Variants in ZBTB20 observed in about 807,000 individuals in gnomAD.
ZBTB20 encodes zinc finger and BTB domain-containing protein 20.
A neutral mutation model predicts 56.9 loss-of-function variants in ZBTB20; 9 were observed. That is an observed-to-expected ratio of 0.16 (90% CI 0.10 to 0.28). The LOEUF is 0.28. Ranked by LOEUF, ZBTB20 falls within the 10% of genes least tolerant of loss-of-function variation. The pLI, the probability that ZBTB20 is intolerant of heterozygous loss-of-function variation, is 1.00. For missense variants in ZBTB20, 655 were observed against 1,003.0 expected, an observed-to-expected ratio of 0.65 and a Z score of 4.69; for synonymous variants, 417 against 420.7, an observed-to-expected ratio of 0.99 and a Z score of 0.11.
chr3:114,683,927 G>C (rs1023825915), intron 6 of ZBTB20, among the ~76,000 whole-genome samples: 1 of 152,080 alleles, frequency 6.6e-6, no homozygotes, highest in Admixed American at 6.5e-5. Context: ...GACTTGGGGT[G>C]GGGGGCAGTG....
chr3:114,374,542 G>A (rs1335581452), intron 10 of ZBTB20, among the ~76,000 whole-genome samples: 1 of 152,134 alleles, frequency 6.6e-6, no homozygotes, highest in East Asian at 1.9e-4. Context: ...TCTTTCAGAG[G>A]ATGCTGTTTT....
At chr3:114,478,993 C>G (rs1036432030) in intron 7 of ZBTB20, among the ~76,000 whole-genome samples, 1 of 151,502 alleles carries the variant, frequency 6.6e-6, no homozygotes, top group African/African-American at 2.4e-5. Flanking sequence ...CTAGCAAGCT[C>G]ACAGTACTGA....
chr3:114,341,170 T>C (rs943627987), intron 11 of ZBTB20, among the ~76,000 whole-genome samples: 1 of 152,236 alleles, frequency 6.6e-6, no homozygotes, highest in Non-Finnish European at 1.5e-5. Flanking sequence ...TAATTTTACT[T>C]TTAGATTAAA....
Position 114,447,406 on chromosome 3 carries a change from T to C in ZBTB20, c.-255+52946A>G, listed in dbSNP as rs79202901. Among the ~76,000 whole-genome samples the C allele has an allele frequency of 3.5e-3, 531 of 152,354 alleles. 1 individual carries two copies. The highest frequency in any genetic ancestry group is 6.4e-3 in the Admixed American group (98 of 15,294). On this transcript the variant is annotated intron_variant, in intron 7 of 11. Transcript: ENST00000675478. ...ATCCTGCATGTGCAATATATTTTTC[T>C]ACATTTACAAATTAGCTAATGAATA...
At chr3:114,841,271 G>C (rs1203709800) in intron 4 of ZBTB20, among the ~76,000 whole-genome samples, 2 of 152,164 alleles carry the variant, frequency 1.3e-5, no homozygotes, top group African/African-American at 4.8e-5. Flanking sequence ...CAGTGGAGGT[G>C]AGCACATGGG....
At chr3:114,490,993 C>T (rs2042691704) in intron 7 of ZBTB20, among the ~76,000 whole-genome samples, 1 of 152,176 alleles carries the variant, frequency 6.6e-6, no homozygotes. Context: ...GACCAGATAT[C>T]AGCCTACAAA....
chr3:114,871,252 T>C (rs2107539249), intron 4 of ZBTB20, among the ~76,000 whole-genome samples: 1 of 152,214 alleles, frequency 6.6e-6, no homozygotes, highest in East Asian at 1.9e-4. Context: ...AGGAGTTAAC[T>C]TCCTACATAG....
chr3:114,494,074 A>G (rs763379229), intron 7 of ZBTB20, among the ~76,000 whole-genome samples: 3 of 152,252 alleles, frequency 2.0e-5, no homozygotes, highest in Admixed American at 1.3e-4. Context: ...TTATAGTAGC[A>G]TCTACTTAAT....
At chr3:114,711,154 T>C (rs1560156074) in intron 5 of ZBTB20, among the ~76,000 whole-genome samples, 1 of 152,302 alleles carries the variant, frequency 6.6e-6, no homozygotes, top group Admixed American at 6.5e-5. Context: ...CTCCTTATTA[T>C]GCATTATTTT....
intron 3 of ZBTB20, among the ~76,000 whole-genome samples, chr3:114,939,146 G>C (rs911800270): frequency 6.8e-6 from 1 of 145,998 alleles, no homozygotes; most frequent in African/African-American, 2.8e-5. Flanking sequence ...TGAAAACAGA[G>C]CTGAGAAAGA....
At chr3:114,364,224 G>A (rs574193475) in intron 10 of ZBTB20, among the ~76,000 whole-genome samples, 1 of 152,320 alleles carries the variant, frequency 6.6e-6, no homozygotes, top group South Asian at 2.1e-4. Context: ...GGCTGAGGTA[G>A]GTGGATCACT....
chr3:115,039,975 T>A (rs1465222499), intron 2 of ZBTB20, among the ~76,000 whole-genome samples: 1 of 152,086 alleles, frequency 6.6e-6, no homozygotes, highest in Non-Finnish European at 1.5e-5. Context: ...CACATATACA[T>A]ACACACAAAT....
intron 6 of ZBTB20, among the ~76,000 whole-genome samples, chr3:114,555,347 CT>C (rs1324625910): frequency 6.6e-6 from 1 of 152,020 alleles, no homozygotes; most frequent in Non-Finnish European, 1.5e-5. Flanking sequence ...GGTAATGAGT[CT>C]TGTTGTAGAT....
At chr3:114,785,525 T>C (rs772002202) in intron 5 of ZBTB20, among the ~76,000 whole-genome samples, 5 of 152,092 alleles carry the variant, frequency 3.3e-5, no homozygotes, top group Admixed American at 6.6e-5. Flanking sequence ...CAGAGGGAAG[T>C]TTTTTCACTT....
intron 2 of ZBTB20, among the ~76,000 whole-genome samples, chr3:114,991,984 G>A (rs942560331): frequency 1.3e-5 from 2 of 151,404 alleles, no homozygotes; most frequent in African/African-American, 4.9e-5. Context: ...CCTTTATTTT[G>A]AGCCTATGTG....
chr3:114,604,822 A>G (rs13073051), intron 6 of ZBTB20, among the ~76,000 whole-genome samples: 13,871 of 152,102 alleles, frequency 0.091, 862 homozygotes, highest in Non-Finnish European at 0.13. Context: ...AAAATATAAA[A>G]TGACATTAGT....
chr3:115,023,963 T>C (rs1248868174), intron 2 of ZBTB20, among the ~76,000 whole-genome samples: 1 of 151,186 alleles, frequency 6.6e-6, no homozygotes, highest in Non-Finnish European at 1.5e-5. Flanking sequence ...CAAAGTTAAA[T>C]GTATTTTACT....
intron 2 of ZBTB20, among the ~76,000 whole-genome samples, chr3:115,012,440 A>T (rs914846873): frequency 3.3e-5 from 5 of 151,968 alleles, no homozygotes; most frequent in African/African-American, 9.6e-5. Flanking sequence ...GGCAAAATAG[A>T]TTCCAAGGAT....
intron 6 of ZBTB20, among the ~76,000 whole-genome samples, chr3:114,567,032 T>C (rs979817666): frequency 2.6e-5 from 4 of 152,174 alleles, no homozygotes; most frequent in Admixed American, 1.3e-4. Flanking sequence ...GATGGTTGCA[T>C]AGGGGTGTCA....
Sources: allele counts gnomAD v4.1 joint callset (sites outside exome capture counted in the v4.1 genomes callset), GRCh38; gene constraint gnomAD v4.1.1; transcripts MANE v1.5; gene names NCBI Gene and HGNC (gene_info 2026-07-23, HGNC 2026-07-21).